The following ABCB6 variants were observed in gnomAD, a reference collection of about 807,000 sequenced individuals.
ABCB6 encodes ATP binding cassette subfamily B member 6 (LAN blood group).
ABCB6 carries 87 observed loss-of-function variants against 99.4 expected under a neutral mutation model. That is an observed-to-expected ratio of 0.88 (90% CI 0.74 to 1.05). The LOEUF is 1.05. Ranked by LOEUF, ABCB6 falls within the 50% of genes least tolerant of loss-of-function variation. The pLI is 0.00. For missense variants in ABCB6, 1,050 were observed against 1,097.9 expected, an observed-to-expected ratio of 0.96 and a Z score of 0.62; for synonymous variants, 482 against 447.5, an observed-to-expected ratio of 1.08 and a Z score of -0.97.
At chr2:219,218,027 G>C (rs1395457871) in intron 1 of ABCB6, 98 bp downstream of exon 1, 32 of 1,455,458 alleles carry the variant, frequency 2.2e-5, no homozygotes, top group Non-Finnish European at 2.9e-5. Flanking sequence ...CCTTTGCTTA[G>C]AGGCATCCTA....
At chr2:219,214,933 G>C in intron 6 of ABCB6, 28 bp downstream of exon 6, 1 of 1,613,780 alleles carries the variant, frequency 6.2e-7, no homozygotes, top group East Asian at 2.2e-5. Context: ...GATAGTTCAG[G>C]GAGACGGTGT....
In ABCB6 at chr2:219,210,416, G is replaced by C; in HGVS notation, c.2316C>G (p.Val772=). Residue 772 remains valine, a synonymous_variant, in exon 17 of 19, where the codon GTC becomes GTG. Transcript: ENST00000265316. The stretch of plus-strand genomic sequence containing the variant: ...CTACGATGGTGGTGCGGTTGGCACA[G>C]ACTTTGGCCAGAGAAGCCTGGATGG... ...ERAIQASLAK[V]CANRTTIVVA... 1 of 1,614,218 alleles carries C rather than the reference G, an allele frequency of 6.2e-7. No homozygotes were observed. Among genetic ancestry groups the C allele is most frequent in the Non-Finnish European group, 8.5e-7 (1 of 1,180,040 alleles).
chr2:219,214,242 C>A, intron 7 of ABCB6, 56 bp from the exon 8 acceptor site: 1 of 1,567,068 alleles, frequency 6.4e-7, no homozygotes, highest in South Asian at 1.1e-5. Flanking sequence ...GCACTCGGGT[C>A]ATTCCCCCCA....
chr2:219,218,818 C>T lies in ABCB6; in HGVS notation c.-145G>A. ...GCTGCGGGGGTCCCGGGAAGGGACG[C>T]ACGTGGACCAGGCCTCACCGCCCAC... On this transcript the variant is annotated 5_prime_UTR_variant, in exon 1 of 19. Transcript: ENST00000265316. 1 of 913,012 alleles carries T rather than the reference C, an allele frequency of 1.1e-6. No individual in the cohort carries two copies. The highest frequency in any genetic ancestry group is 1.8e-5 in the South Asian group (1 of 54,336). 56.6% of individuals were successfully genotyped at this position (913,012 alleles called of 1,614,324 possible). A position where few individuals can be genotyped will look rare whatever the true frequency, so the allele number is the denominator to read the frequency against.
At position 219,213,302 on chromosome 2, in the gene ABCB6, GC is replaced by G; in HGVS notation, c.1743del (p.Leu583PhefsTer31). 6.2e-7 allele frequency: 1 copy of G among 1,614,100 alleles called. No homozygotes were observed. The highest frequency in any genetic ancestry group is 8.5e-7 in the Non-Finnish European group (1 of 1,180,038). Reference sequence around the variant, plus strand: ...ATACGGCCCTTCTGAAAGCGAAGGGGCCCTGCTCCAGGAAGGTCCTTCACCT... The same window carrying G: ...ATACGGCCCTTCTGAAAGCGAAGGGGCCTGCTCCAGGAAGGTCCTTCACCT... The part of the protein sequence containing the change: ...ETEVKDLPGA[G>X]PLRFQKGRIE... On this transcript the variant is annotated frameshift_variant, in exon 12 of 19. Transcript: ENST00000265316. LOFTEE classifies it high-confidence loss of function.
chr2:219,213,038 G>T lies in ABCB6; in HGVS notation c.1833C>A (p.Phe611Leu), dbSNP rs761698895. 2 of 1,613,904 alleles carry T rather than the reference G, an allele frequency of 1.2e-6. No individual in the cohort carries two copies. Among genetic ancestry groups the T allele is most frequent in the Non-Finnish European group, 1.7e-6 (2 of 1,179,970 alleles). Residue 611 changes from phenylalanine to leucine, a missense_variant, in exon 13 of 19, where the codon TTC becomes TTA. Transcript: ENST00000265316. ...CAAGTGTCTGTCCAGGCATCACAGTGAAAGACACGTCCTGCAGAGTCTCCC... is the reference window on the plus strand; with the variant it reads ...CAAGTGTCTGTCCAGGCATCACAGTTAAAGACACGTCCTGCAGAGTCTCCC... ...DGRETLQDVSFTVMPGQTLAL... is the reference protein window; with the variant it reads ...DGRETLQDVSLTVMPGQTLAL...
At chr2:219,217,568 CGGGAGGTGGAGG>C in intron 2 of ABCB6, 90 bp downstream of exon 2, 2 of 953,232 alleles carry the variant, frequency 2.1e-6, no homozygotes, top group Non-Finnish European at 3.2e-6. Context: ...CGCTTGAACC[CGGGAGGTGGAGG>C]TTGCAGTGAG....
intron 5 of ABCB6, 149 bp downstream of exon 5, chr2:219,215,848 G>A (rs1239343885): frequency 8.9e-6 from 7 of 782,252 alleles, no homozygotes; most frequent in South Asian, 3.0e-5. Flanking sequence ...GTTATTAGGA[G>A]AGCATGTATA....
Position 219,217,684 on chromosome 2 carries a change from C to T in ABCB6, c.673G>A (p.Val225Met), listed in dbSNP as rs201424087. 9 of 1,602,628 alleles carry T rather than the reference C, an allele frequency of 5.6e-6. No homozygotes were observed. Among genetic ancestry groups the T allele is most frequent in the Non-Finnish European group, 7.6e-6 (9 of 1,176,566 alleles). Residue 225 changes from valine (V) to methionine (M), a missense_variant, in exon 2 of 19, where the codon GTG becomes ATG. Physicochemically the swap from Val to Met is conservative, Grantham distance 21. Transcript: ENST00000265316. ...CTGAGGTGTACCTGGCTCCTTTCCA[C>T]ATCTTGGTCCTCTTCATGAACCTGC... ...TLQVHEEDQD[V>M]ERSQVRSAAQ...
chr2:219,218,428 A>T lies in ABCB6; in HGVS notation c.246T>A (p.Leu82=). 1 of 1,610,756 alleles carries T rather than the reference A, an allele frequency of 6.2e-7. No individual in the cohort carries two copies. Among genetic ancestry groups the T allele is most frequent in the Non-Finnish European group, 8.5e-7 (1 of 1,178,830 alleles). The change falls in exon 1 of 19, where the codon CTT becomes CTA. Residue 82 remains leucine, a synonymous_variant. Transcript: ENST00000265316. The part of the protein sequence containing the change: ...PYVLQLLLAT[L]QAALPLAGLA... ...GGCCGGCCAGGGGCAGCGCCGCCTGAAGTGTGGCCAGAAGCAGCTGCAGCA... is the reference window on the plus strand; with the variant it reads ...GGCCGGCCAGGGGCAGCGCCGCCTGTAGTGTGGCCAGAAGCAGCTGCAGCA...
intron 14 of ABCB6, 27 bp downstream of exon 14, chr2:219,212,360 C>G (rs1393490015): frequency 2.5e-6 from 4 of 1,601,366 alleles, no homozygotes; most frequent in Middle Eastern, 1.7e-4. Flanking sequence ...GACCCCTAAA[C>G]CACCGTCTTC....
chr2:219,218,063 A>G, intron 1 of ABCB6, 62 bp downstream of exon 1: 1 of 1,529,460 alleles, frequency 6.5e-7, no homozygotes. Flanking sequence ...GTGACTGGAC[A>G]TGCAGTGCTT....
At chr2:219,211,241 C>T (rs1209687162) in intron 14 of ABCB6, 133 bp from the exon 15 acceptor site, 8 of 895,922 alleles carry the variant, frequency 8.9e-6, no homozygotes, top group African/African-American at 3.3e-5. Context: ...ATATCCTAGC[C>T]GTGTGGGCAA....
Position 219,213,506 on chromosome 2 carries a change from C to CA in ABCB6, c.1656-5dup, listed in dbSNP as rs1481756998. The CA allele has an allele frequency of 2.5e-6, 4 of 1,614,036 alleles. No individual in the cohort carries two copies. The highest frequency in any genetic ancestry group is 3.4e-6 in the Non-Finnish European group (4 of 1,180,036). On this transcript the variant is annotated splice_polypyrimidine_tract_variant and splice_region_variant and intron_variant, in intron 10 of 18. Transcript: ENST00000265316. ...AATGAAGTTGGTCTGGATCATCCTG[C>CA]AAAAAGGTGCTGGTTAGGACTTCTC... is the stretch of plus-strand genomic sequence containing the variant.
rs776797659 is a variant in ABCB6, at chr2:219,217,809, T to C, written c.550-2A>G. On this transcript the variant is annotated splice_acceptor_variant, in intron 1 of 18. Coordinates refer to ENST00000265316, the MANE Select transcript of ABCB6 (RefSeq NM_005689.4). LOFTEE classifies it high-confidence loss of function. Reference sequence around the variant, plus strand: ...CAGCACCCACAGGCTAAACTGAACCTAGAATGAAATATAAGTGGAGAGAGT... The same window carrying C: ...CAGCACCCACAGGCTAAACTGAACCCAGAATGAAATATAAGTGGAGAGAGT... 8.7e-6 allele frequency: 14 copies of C among 1,609,522 alleles called. No individual in the cohort carries two copies. Among genetic ancestry groups the C allele is most frequent in the Non-Finnish European group, 1.2e-5 (14 of 1,178,750 alleles).
chr2:219,214,338 ACTC>A, intron 7 of ABCB6, 48 bp downstream of exon 7: 1 of 1,532,698 alleles, frequency 6.5e-7, no homozygotes, highest in Non-Finnish European at 9.0e-7. Context: ...TCCTGGTTAC[ACTC>A]CTCCACATCT....
intron 13 of ABCB6, 108 bp downstream of exon 13, chr2:219,212,900 C>T: frequency 8.0e-7 from 1 of 1,250,224 alleles, no homozygotes; most frequent in Non-Finnish European, 1.2e-6. Context: ...ATCCGGTTGC[C>T]TATCGTGACT....
At chr2:219,215,969 C>T (rs548430327) in intron 5 of ABCB6, 28 bp downstream of exon 5, 2 of 1,522,466 alleles carry the variant, frequency 1.3e-6, no homozygotes, top group African/African-American at 1.4e-5. Context: ...CTCCACCCTC[C>T]CACATGCCCT....
At chr2:219,211,261 C>T (rs1317405093) in intron 14 of ABCB6, among the ~76,000 whole-genome samples, 153 bp from the exon 15 acceptor site, 1 of 152,208 alleles carries the variant, frequency 6.6e-6, no homozygotes, top group Non-Finnish European at 1.5e-5. Flanking sequence ...AATCACTCCT[C>T]TCTGTTTCCC....
Sources: gnomAD v4.1 joint callset for allele counts (sites outside exome capture counted in the v4.1 genomes callset) on GRCh38, gnomAD v4.1.1 for gene constraint, MANE v1.5 for transcripts, NCBI Gene and HGNC (gene_info 2026-07-23, HGNC 2026-07-21) for gene names.